Variants in ZNF704 observed in about 807,000 individuals in gnomAD.
ZNF704 encodes zinc finger protein 704.
ZNF704 carries 10 observed loss-of-function variants against 44.7 expected under a neutral mutation model. That is an observed-to-expected ratio of 0.22 (90% CI 0.14 to 0.38). The LOEUF (loss-of-function observed/expected upper bound fraction) is 0.38, where lower values mean the gene tolerates loss of function less well. Ranked by LOEUF, ZNF704 falls within the 10% of genes least tolerant of loss-of-function variation. The pLI is 1.00. For missense variants in ZNF704, 390 were observed against 545.5 expected, an observed-to-expected ratio of 0.71 and a Z score of 2.84; for synonymous variants, 211 against 207.6, an observed-to-expected ratio of 1.02 and a Z score of -0.14.
intron 2 of ZNF704, among the ~76,000 whole-genome samples, chr8:80,745,862 A>AC (rs1806835496): frequency 6.6e-6 from 1 of 152,206 alleles, no homozygotes; most frequent in African/African-American, 2.4e-5. Context: ...CAGTGTGTAC[A>AC]AAACAGGAAC....
At chr8:80,677,597 A>G (rs1585944692) in intron 4 of ZNF704, among the ~76,000 whole-genome samples, 1 of 152,182 alleles carries the variant, frequency 6.6e-6, no homozygotes, top group East Asian at 1.9e-4. Flanking sequence ...GAAATCTGTT[A>G]CCCAAAGAAA....
intron 1 of ZNF704, among the ~76,000 whole-genome samples, chr8:80,822,448 A>G (rs1013566157): frequency 6.6e-6 from 1 of 152,124 alleles, no homozygotes; most frequent in Non-Finnish European, 1.5e-5. Context: ...TCTATCATTG[A>G]TGGGACATTT....
At chr8:80,759,938 G>A (rs1002140494) in intron 2 of ZNF704, among the ~76,000 whole-genome samples, 4 of 152,128 alleles carry the variant, frequency 2.6e-5, no homozygotes, top group African/African-American at 7.2e-5. Context: ...AATACATTTT[G>A]TAGAGATGGG....
intron 7 of ZNF704, chr8:80,658,679 T>C (rs1297398814): frequency 6.6e-6 from 1 of 152,212 alleles, no homozygotes; most frequent in African/African-American, 2.4e-5. Context: ...TCTTGGCTAT[T>C]CCTCTATGGA....
chr8:80,840,038 T>G (rs1268541882), intron 1 of ZNF704, among the ~76,000 whole-genome samples: 1 of 152,226 alleles, frequency 6.6e-6, no homozygotes, highest in African/African-American at 2.4e-5. Context: ...CCCAGGCACC[T>G]GCTATATTTT....
rs983438398 is a variant in ZNF704 at position 80,637,913 on chromosome 8, T to C, written c.*3453A>G. The C allele has an allele frequency of 8.5e-5, 13 of 152,408 alleles. No homozygotes were observed. The highest frequency in any genetic ancestry group is 2.4e-4 in the African/African-American group (10 of 41,602). The allele number at this position is 152,408 out of a possible 1,614,324, so 9.4% of individuals were successfully genotyped here. On this transcript the variant is annotated 3_prime_UTR_variant, in exon 9 of 9. Coordinates refer to ENST00000327835, the MANE Select transcript of ZNF704 (RefSeq NM_001033723.3). ...GGCTAGGCACAGCAGCCCTGCACTC[T>C]TGGCCGGAGGTACTTCCCTTCAGGT... is the stretch of plus-strand genomic sequence containing the variant.
intron 2 of ZNF704, among the ~76,000 whole-genome samples, chr8:80,781,745 G>T (rs1807526959): frequency 6.6e-6 from 1 of 152,182 alleles, no homozygotes; most frequent in African/African-American, 2.4e-5. Flanking sequence ...TCACTCATGG[G>T]AACATGGTCC....
At chr8:80,670,690 A>C in intron 4 of ZNF704, 87 bp from the exon 5 acceptor site, 1 of 957,650 alleles carries the variant, frequency 1.0e-6, no homozygotes. Context: ...TTTTTCCTTC[A>C]TTAGAAAAGT....
At chr8:80,864,169 T>C (rs866576642) in intron 1 of ZNF704, among the ~76,000 whole-genome samples, 10 of 152,210 alleles carry the variant, frequency 6.6e-5, no homozygotes, top group Non-Finnish European at 2.9e-5. Flanking sequence ...AGGAAAAATA[T>C]GTCAAAGCTT....
At chr8:80,705,251 G>A (rs1818877694) in intron 2 of ZNF704, among the ~76,000 whole-genome samples, 1 of 152,134 alleles carries the variant, frequency 6.6e-6, no homozygotes, top group South Asian at 2.1e-4. Context: ...GCAAATTCCT[G>A]AATTTATTTG....
chr8:80,856,459 T>C (rs1808963598), intron 1 of ZNF704, among the ~76,000 whole-genome samples: 1 of 152,212 alleles, frequency 6.6e-6, no homozygotes, highest in South Asian at 2.1e-4. Context: ...GTTACAAAGA[T>C]ATTCTCCTGT....
At chr8:80,657,964 T>C (rs1818042568) in intron 7 of ZNF704, among the ~76,000 whole-genome samples, 1 of 152,154 alleles carries the variant, frequency 6.6e-6, no homozygotes, top group South Asian at 2.1e-4. Flanking sequence ...TAACATTCTA[T>C]TGTTGAAAAA....
intron 2 of ZNF704, among the ~76,000 whole-genome samples, chr8:80,711,626 C>T (rs568817073): frequency 6.6e-6 from 1 of 152,242 alleles, no homozygotes; most frequent in African/African-American, 2.4e-5. Flanking sequence ...GGACAGAACA[C>T]CAGTGTGACT....
intron 2 of ZNF704, among the ~76,000 whole-genome samples, chr8:80,731,938 T>C (rs1806589029): frequency 6.6e-6 from 1 of 152,212 alleles, no homozygotes; most frequent in East Asian, 1.9e-4. Flanking sequence ...GCATATCACA[T>C]GAAGGTGAGA....
rs1340567885 is a variant in ZNF704 at position 80,665,186 on chromosome 8, CTT to C, written c.660-106_660-105del. The C allele has an allele frequency of 9.5e-6, 12 of 1,269,110 alleles. No homozygotes were observed. The African/African-American group carries it at 1.0e-4, about 11-fold the overall frequency. The allele number at this position is 1,269,110 out of a possible 1,614,324, so 78.6% of individuals were successfully genotyped here. A position where few individuals can be genotyped will look rare whatever the true frequency, so the allele number is the denominator to read the frequency against. On this transcript the variant is annotated intron_variant, in intron 5 of 8. Coordinates refer to ENST00000327835, the MANE Select transcript of ZNF704 (RefSeq NM_001033723.3). The stretch of plus-strand genomic sequence containing the variant: ...TCTGTCTGGAATGCTTTTCCTCCCT[CTT>C]GTTTGCCTTGCAAACTCTTCCTTAT...
intron 2 of ZNF704, among the ~76,000 whole-genome samples, chr8:80,756,384 T>A (rs2131712491): frequency 6.6e-6 from 1 of 152,348 alleles, no homozygotes; most frequent in South Asian, 2.1e-4. Flanking sequence ...CAATTTCATC[T>A]TATCTTCACA....
chr8:80,853,538 G>T (rs1291225211), intron 1 of ZNF704, among the ~76,000 whole-genome samples: 3 of 151,172 alleles, frequency 2.0e-5, no homozygotes, highest in African/African-American at 7.3e-5. Context: ...CTTAAATGAG[G>T]AAGCAATGGA....
At chr8:80,712,958 T>C (rs569743842) in intron 2 of ZNF704, among the ~76,000 whole-genome samples, 114 of 151,890 alleles carry the variant, frequency 7.5e-4, no homozygotes, top group Non-Finnish European at 1.1e-3. Flanking sequence ...TGCAATGGCA[T>C]GACCTCGGCT....
At chr8:80,738,094 C>T (rs960055888) in intron 2 of ZNF704, among the ~76,000 whole-genome samples, 1 of 152,166 alleles carries the variant, frequency 6.6e-6, no homozygotes, top group Admixed American at 6.5e-5. Context: ...CATGGTCACA[C>T]TGGGGTTATG....
Sources: gnomAD v4.1 joint callset for allele counts (sites outside exome capture counted in the v4.1 genomes callset) on GRCh38, gnomAD v4.1.1 for gene constraint, MANE v1.5 for transcripts, NCBI Gene and HGNC (gene_info 2026-07-23, HGNC 2026-07-21) for gene names.